The following PALM2AKAP2 variants were observed in gnomAD, a reference collection of about 807,000 sequenced individuals.
PALM2AKAP2 encodes PALM2 and AKAP2 fusion.
Under a neutral mutation model 71.5 loss-of-function variants are expected in PALM2AKAP2, and 37 were observed. The ratio of observed to expected loss-of-function variants is 0.52; its 90% CI spans 0.40 to 0.68. The LOEUF (loss-of-function observed/expected upper bound fraction) is 0.68, where lower values mean the gene tolerates loss of function less well. Among genes scored for constraint, PALM2AKAP2 ranks in the 30% least tolerant of loss-of-function variants. The pLI is 0.00. For missense variants in PALM2AKAP2, 1,224 were observed against 1,191.8 expected, an observed-to-expected ratio of 1.03 and a Z score of -0.40; for synonymous variants, 468 against 478.8, an observed-to-expected ratio of 0.98 and a Z score of 0.29.
intron 1 of PALM2AKAP2, among the ~76,000 whole-genome samples, chr9:109,856,175 G>A (rs1829159478): frequency 6.6e-6 from 1 of 151,966 alleles, no homozygotes; most frequent in Non-Finnish European, 1.5e-5. Context: ...TGACTTAGCA[G>A]TTCTGCTGGT....
At chr9:109,646,965 A>C (rs1348673887) in intron 1 of PALM2AKAP2, among the ~76,000 whole-genome samples, 1 of 152,240 alleles carries the variant, frequency 6.6e-6, no homozygotes, top group East Asian at 1.9e-4. Flanking sequence ...GCTTTTTAAA[A>C]CAATTCAAAT....
chr9:109,802,943 A>C (rs560407119), intron 1 of PALM2AKAP2, among the ~76,000 whole-genome samples: 1 of 146,796 alleles, frequency 6.8e-6, no homozygotes, highest in Admixed American at 6.7e-5. Context: ...AAAGGTAGGA[A>C]TCCGGGTCTT....
intron 1 of PALM2AKAP2, among the ~76,000 whole-genome samples, chr9:109,761,334 T>C (rs975938204): frequency 2.0e-5 from 3 of 152,166 alleles, no homozygotes; most frequent in African/African-American, 7.2e-5. Context: ...TTGTGGATTG[T>C]TGTAATGTCT....
chr9:109,910,519 G>T (rs567264051), intron 3 of PALM2AKAP2, among the ~76,000 whole-genome samples: 1 of 152,336 alleles, frequency 6.6e-6, no homozygotes, highest in East Asian at 1.9e-4. Flanking sequence ...AGTAGGAGAA[G>T]AGGTGCCCAT....
chr9:109,722,459 G>A (rs956818615), intron 1 of PALM2AKAP2, among the ~76,000 whole-genome samples: 1 of 152,186 alleles, frequency 6.6e-6, no homozygotes, highest in Admixed American at 6.5e-5. Context: ...TTTGAGCCAT[G>A]TAAATTGTTA....
At chr9:110,022,306 G>T (rs2132371282) in intron 7 of PALM2AKAP2, among the ~76,000 whole-genome samples, 1 of 152,142 alleles carries the variant, frequency 6.6e-6, no homozygotes, top group Non-Finnish European at 1.5e-5. Context: ...ACCCTAGCCT[G>T]GGCAACATAC....
At chr9:110,126,083 CT>C (rs1048774996) in intron 1 of PALM2AKAP2, among the ~76,000 whole-genome samples, 27 of 152,088 alleles carry the variant, frequency 1.8e-4, no homozygotes, top group African/African-American at 5.8e-4. Flanking sequence ...ACAGGGTGGC[CT>C]GGGGGAATAT....
At chr9:109,689,117 G>A (rs1010792349) in intron 1 of PALM2AKAP2, among the ~76,000 whole-genome samples, 4 of 151,980 alleles carry the variant, frequency 2.6e-5, no homozygotes, top group Non-Finnish European at 5.9e-5. Flanking sequence ...AGCGAGTTCA[G>A]TGGTTGACTC....
intron 1 of PALM2AKAP2, among the ~76,000 whole-genome samples, chr9:109,740,271 G>A (rs1359870206): frequency 6.6e-6 from 1 of 152,186 alleles, no homozygotes; most frequent in Non-Finnish European, 1.5e-5. Context: ...CCAGGGAAAA[G>A]GGACAGATAA....
intron 1 of PALM2AKAP2, among the ~76,000 whole-genome samples, chr9:109,642,868 A>G (rs1019065460): frequency 6.7e-6 from 1 of 148,830 alleles, no homozygotes; most frequent in Non-Finnish European, 1.5e-5. Flanking sequence ...TTTAATTTAT[A>G]AAGAAATACA....
At chr9:109,829,446 G>A (rs1828239942) in intron 1 of PALM2AKAP2, among the ~76,000 whole-genome samples, 2 of 152,290 alleles carry the variant, frequency 1.3e-5, no homozygotes, top group African/African-American at 4.8e-5. Context: ...CTGGAGCAAA[G>A]AGCCCAGCAC....
At chr9:109,745,578 C>G (rs912627201) in intron 1 of PALM2AKAP2, among the ~76,000 whole-genome samples, 1 of 151,840 alleles carries the variant, frequency 6.6e-6, no homozygotes, top group African/African-American at 2.4e-5. Flanking sequence ...CTTGTCGTGT[C>G]CTGTTTTAGG....
rs181647687 is a variant in PALM2AKAP2, at chr9:109,901,888, G to A, written c.257+21207G>A. Among the ~76,000 whole-genome samples the A allele has an allele frequency of 2.0e-5, 3 of 152,244 alleles. No homozygotes were observed. In the East Asian group the frequency reaches 5.8e-4, roughly 29 times the overall value. ...AAAAATCCCAAGATCATCGTGGCTG[G>A]GCCAGAGAAAGAATCAGACAGAAGC... is the stretch of plus-strand genomic sequence containing the variant. On this transcript the variant is annotated intron_variant, in intron 3 of 9. Transcript: ENST00000302798.
intron 1 of PALM2AKAP2, among the ~76,000 whole-genome samples, chr9:109,663,883 C>A (rs903447064): frequency 6.6e-6 from 1 of 152,168 alleles, no homozygotes; most frequent in East Asian, 1.9e-4. Context: ...GTATTGGGTG[C>A]ATATCTATTT....
intron 7 of PALM2AKAP2, among the ~76,000 whole-genome samples, chr9:110,024,250 T>C (rs1391193875): frequency 1.3e-5 from 2 of 152,160 alleles, no homozygotes; most frequent in Non-Finnish European, 2.9e-5. Context: ...TCCAATAAGA[T>C]CCCTCATGCC....
chr9:110,150,113 A>T (rs2119181581), intron 2 of PALM2AKAP2, among the ~76,000 whole-genome samples: 1 of 152,360 alleles, frequency 6.6e-6, no homozygotes, highest in Admixed American at 6.5e-5. Flanking sequence ...TGCCCTTGTA[A>T]GAAGAGATAT....
At chr9:109,689,872 A>G (rs1350179571) in intron 1 of PALM2AKAP2, among the ~76,000 whole-genome samples, 1 of 152,184 alleles carries the variant, frequency 6.6e-6, no homozygotes, top group Non-Finnish European at 1.5e-5. Flanking sequence ...TATGCATGTT[A>G]AATTTATGTC....
At chr9:110,116,281 C>T (rs1246693619) in intron 1 of PALM2AKAP2, among the ~76,000 whole-genome samples, 1 of 151,930 alleles carries the variant, frequency 6.6e-6, no homozygotes, top group Non-Finnish European at 1.5e-5. Context: ...TGAACAAACC[C>T]AAAATATTAT....
chr9:109,940,631 A>C (rs1241480288), intron 6 of PALM2AKAP2, among the ~76,000 whole-genome samples: 1 of 152,166 alleles, frequency 6.6e-6, no homozygotes, highest in Admixed American at 6.5e-5. Context: ...AATGACAAGC[A>C]GATGGGCTAG....
Sources: allele counts gnomAD v4.1 joint callset (sites outside exome capture counted in the v4.1 genomes callset), GRCh38; gene constraint gnomAD v4.1.1; transcripts MANE v1.5; gene names NCBI Gene and HGNC (gene_info 2026-07-23, HGNC 2026-07-21).